MYH11: variants seen among roughly 807,000 people sequenced by gnomAD.
MYH11 encodes the protein myosin heavy chain 11, also known as myosin-11.
Under a neutral mutation model 246.6 loss-of-function variants are expected in MYH11, and 80 were observed. The observed-to-expected ratio is 0.32, with a 90% CI of 0.27 to 0.39. MYH11 has a LOEUF of 0.39. Ranked by LOEUF, MYH11 falls within the 10% of genes least tolerant of loss-of-function variation. The pLI, the probability that MYH11 is intolerant of heterozygous loss-of-function variation, is 1.00. For synonymous variants in MYH11, 1,071 were observed against 1,015.5 expected, an observed-to-expected ratio of 1.05 and a Z score of -1.04; for missense variants, 2,158 against 2,546.8, an observed-to-expected ratio of 0.85 and a Z score of 3.29.
intron 3 of MYH11, among the ~76,000 whole-genome samples, chr16:15,815,534 G>A (rs2043243036): frequency 6.6e-6 from 1 of 152,078 alleles, no homozygotes; most frequent in Non-Finnish European, 1.5e-5. Flanking sequence ...TAAATTATAG[G>A]ATTGGTCTAG....
chr16:15,757,709 T>C (rs538392985), intron 13 of MYH11, 118 bp downstream of exon 13: 727 of 1,286,368 alleles, frequency 5.7e-4, no homozygotes, highest in Non-Finnish European at 7.5e-4. Flanking sequence ...GACTGGGTGA[T>C]GGATTGGGTG....
In MYH11 at chr16:15,720,185, C is replaced by T. The variant is rs1252075795; in HGVS notation, c.4919G>A (p.Arg1640Lys). Residue 1640 changes from arginine to lysine, a missense_variant, in exon 34 of 41, where the codon AGG (arginine) becomes AAG (lysine). Transcript: ENST00000300036. ...ELQADSAIKG[R>K]EEAIKQLRKL... Reference sequence around the variant, plus strand: ...GCGTAGCTGCTTGATGGCTTCCTCCCTCCCCTTGATGGCAGAGTCGGCCTG... The same window carrying T: ...GCGTAGCTGCTTGATGGCTTCCTCCTTCCCCTTGATGGCAGAGTCGGCCTG... 1.2e-6 allele frequency: 2 copies of T among 1,614,154 alleles called. No individual in the cohort carries two copies. Among genetic ancestry groups the T allele is most frequent in the South Asian group, 2.2e-5 (2 of 91,076 alleles).
intron 2 of MYH11, among the ~76,000 whole-genome samples, chr16:15,830,900 A>C (rs2043718489): frequency 6.6e-6 from 1 of 151,976 alleles, no homozygotes; most frequent in African/African-American, 2.4e-5. Flanking sequence ...GGCTGGGCAC[A>C]GTGGCTTAAG....
chr16:15,704,581 C>T (rs772565008), intron 40 of MYH11, among the ~76,000 whole-genome samples: 1 of 152,154 alleles, frequency 6.6e-6, no homozygotes, highest in Admixed American at 6.6e-5. Flanking sequence ...CTCCTCACCC[C>T]CATTCGCCTT....
chr16:15,745,305 C>CA, intron 19 of MYH11, 68 bp from the exon 20 acceptor site: 1 of 1,113,594 alleles, frequency 9.0e-7, no homozygotes, highest in South Asian at 1.3e-5. Flanking sequence ...GAGCCCTGCC[C>CA]TGCAGCATCC....
chr16:15,753,402 C>T lies in MYH11; in HGVS notation c.1856G>A (p.Trp619Ter). The T allele has an allele frequency of 6.2e-7, 1 of 1,613,966 alleles. No individual in the cohort carries two copies. Among genetic ancestry groups the T allele is most frequent in the Non-Finnish European group, 8.5e-7 (1 of 1,179,858 alleles). ...ASSDKFVADLWKDVDRIVGLD... is the reference protein window; with the variant it reads ...ASSDKFVADL ...AGCAGAGAAGGCCTTACCGTCCTTC[C>T]ACAGGTCGGCCACAAACTTGTCGGA... Residue 619 changes from tryptophan (W) to a stop codon, truncating the protein, a stop_gained, in exon 15 of 41, where the codon TGG (tryptophan) becomes TAG (stop). Coordinates refer to ENST00000300036, the MANE Select transcript of MYH11 (RefSeq NM_002474.3). LOFTEE classifies it high-confidence loss of function.
intron 25 of MYH11, among the ~76,000 whole-genome samples, chr16:15,737,096 CA>C (rs933472275): frequency 6.6e-6 from 1 of 152,036 alleles, no homozygotes; most frequent in Non-Finnish European, 1.5e-5. Context: ...CCGCCTTAGA[CA>C]GGGGTGTTTG....
chr16:15,727,516 A>G (rs1018276941), intron 27 of MYH11, among the ~76,000 whole-genome samples: 1 of 151,896 alleles, frequency 6.6e-6, no homozygotes, highest in Non-Finnish European at 1.5e-5. Flanking sequence ...TTTGGATTCT[A>G]TTTTCCTAAA....
In MYH11 at chr16:15,747,524, T is replaced by C. The variant is rs773298075; in HGVS notation, c.2411+46A>G. The C allele has an allele frequency of 3.1e-6, 5 of 1,613,158 alleles. No homozygotes were observed. The South Asian group carries it at 4.4e-5, about 14-fold the overall frequency. ...GGAATCAGAACAGAAAGGCCCCTGT[T>C]TGTGATTCGCGTTTGAGGTATTAGG... On this transcript the variant is annotated intron_variant, in intron 19 of 40. Transcript: ENST00000300036.
intron 9 of MYH11, among the ~76,000 whole-genome samples, chr16:15,767,230 CATGGATGAATA>C (rs1017793795): frequency 2.6e-5 from 4 of 152,000 alleles, no homozygotes; most frequent in Non-Finnish European, 5.9e-5. Context: ...ATGGATGAAT[CATGGATGAATA>C]GAGGATAGAG....
chr16:15,856,714 G>C (rs2044481382), intron 1 of MYH11, among the ~76,000 whole-genome samples: 1 of 151,834 alleles, frequency 6.6e-6, no homozygotes, highest in Admixed American at 6.6e-5. Flanking sequence ...CCCCAAAATG[G>C]TACTTCTCAC....
At chr16:15,832,173 G>A (rs965097342) in intron 2 of MYH11, among the ~76,000 whole-genome samples, 3 of 152,142 alleles carry the variant, frequency 2.0e-5, no homozygotes, top group Non-Finnish European at 4.4e-5. Context: ...TTTGGAAGGA[G>A]GGCTTCTCCT....
At chr16:15,763,760 C>CCCCCAAAA in intron 10 of MYH11, 36 bp downstream of exon 10, 58 of 1,191,960 alleles carry the variant, frequency 4.9e-5, no homozygotes, top group Non-Finnish European at 6.4e-5. Flanking sequence ...CCCCCAACCC[C>CCCCCAAAA]AAAGTCATTG....
rs971049017 is a variant in MYH11, at chr16:15,728,511, C to T, written c.3652-1457G>A. Among the ~76,000 whole-genome samples, 22 of 152,180 alleles carry T rather than the reference C, an allele frequency of 1.4e-4. 1 individual carries two copies. Among genetic ancestry groups the T allele is most frequent in the African/African-American group, 5.3e-4 (22 of 41,528 alleles). ...CACCGCCCCCGTCCTTCACAGGTGTCGTGTGATTGACACTGCTACTTCTGT... is the reference window on the plus strand; with the variant it reads ...CACCGCCCCCGTCCTTCACAGGTGTTGTGTGATTGACACTGCTACTTCTGT... On this transcript the variant is annotated intron_variant, in intron 27 of 40. Coordinates refer to ENST00000300036, the MANE Select transcript of MYH11 (RefSeq NM_002474.3).
chr16:15,766,199 C>A (rs2041976168), intron 9 of MYH11, among the ~76,000 whole-genome samples: 1 of 152,082 alleles, frequency 6.6e-6, no homozygotes, highest in Non-Finnish European at 1.5e-5. Flanking sequence ...CTGTGGGGAC[C>A]CAAGGAGGCC....
In MYH11 at chr16:15,719,682, TC is replaced by T; in HGVS notation, c.4984del (p.Glu1662LysfsTer94). On this transcript the variant is annotated frameshift_variant, in exon 35 of 41. Coordinates refer to ENST00000300036, the MANE Select transcript of MYH11 (RefSeq NM_002474.3). LOFTEE classifies it high-confidence loss of function. Reference sequence around the variant, plus strand: ...CTCATCTCTGGAGGCACGGGCATCTTCCAGCTCTCTTTGAAAGTCCTTCATC... The same window carrying T: ...CTCATCTCTGGAGGCACGGGCATCTTCAGCTCTCTTTGAAAGTCCTTCATC... ...AQMKDFQREL[E>X]DARASRDEIF... The T allele has an allele frequency of 6.2e-7, 1 of 1,614,244 alleles. No homozygotes were observed. The highest frequency in any genetic ancestry group is 8.5e-7 in the Non-Finnish European group (1 of 1,180,048).
In MYH11 at chr16:15,853,003, A is replaced by C. The variant is rs150236227; in HGVS notation, c.-18+3938T>G. Among the ~76,000 whole-genome samples, 21 of 152,228 alleles carry C rather than the reference A, an allele frequency of 1.4e-4. No homozygotes were observed. In the East Asian group the frequency reaches 4.1e-3, roughly 29 times the overall value. ...ACTGCTTCATCCCTTGAGCACAAAC[A>C]AGCTATTCATTAGCCTGTGGAAGAT... On this transcript the variant is annotated intron_variant, in intron 1 of 40. Coordinates refer to ENST00000300036, the MANE Select transcript of MYH11 (RefSeq NM_002474.3).
rs556964537 is a variant in MYH11 at position 15,721,124 on chromosome 16, C to T, written c.4579-73G>A. 389 of 1,529,712 alleles carry T rather than the reference C, an allele frequency of 2.5e-4. 1 individual carries two copies. The South Asian group carries it at 2.8e-3, about 11-fold the overall frequency. The allele number at this position is 1,529,712 out of a possible 1,614,324, so 94.8% of individuals were successfully genotyped here. A position where few individuals can be genotyped will look rare whatever the true frequency, so the allele number is the denominator to read the frequency against. On this transcript the variant is annotated intron_variant, in intron 32 of 40. Transcript: ENST00000300036. ...AGACGATTGAGAAACCCACCGTGAG[C>T]GGCACCTCAGGAGATCAGGGAGGTG...
At chr16:15,778,967 C>T (rs1378124469) in intron 6 of MYH11, 124 bp from the exon 7 acceptor site, 2 of 915,874 alleles carry the variant, frequency 2.2e-6, no homozygotes, top group Admixed American at 1.8e-5. Context: ...TTCTTGCGAA[C>T]ACTCAGAACC....
Sources: allele counts gnomAD v4.1 joint callset (sites outside exome capture counted in the v4.1 genomes callset), GRCh38; gene constraint gnomAD v4.1.1; transcripts MANE v1.5; gene names NCBI Gene and HGNC (gene_info 2026-07-23, HGNC 2026-07-21).